MAP2K5: variants seen among roughly 807,000 people sequenced by gnomAD.
The protein encoded by MAP2K5 is mitogen-activated protein kinase kinase 5.
Under a neutral mutation model 83.1 loss-of-function variants are expected in MAP2K5, and 49 were observed. The observed-to-expected ratio is 0.59, with a 90% CI of 0.47 to 0.75. The LOEUF (loss-of-function observed/expected upper bound fraction) is 0.75, where lower values mean the gene tolerates loss of function less well. Among genes scored for constraint, MAP2K5 ranks in the 30% least tolerant of loss-of-function variants. MAP2K5 has a pLI of 0.00. For synonymous variants in MAP2K5, 202 were observed against 191.8 expected, an observed-to-expected ratio of 1.05 and a Z score of -0.44; for missense variants, 457 against 557.5, an observed-to-expected ratio of 0.82 and a Z score of 1.82.
chr15:67,716,458 C>G (rs1157233285), intron 16 of MAP2K5, among the ~76,000 whole-genome samples: 2 of 152,220 alleles, frequency 1.3e-5, no homozygotes, highest in Non-Finnish European at 2.9e-5. Flanking sequence ...GGTGACATGT[C>G]TCAACACTAA....
intron 16 of MAP2K5, among the ~76,000 whole-genome samples, chr15:67,706,236 G>C (rs978689142): frequency 6.6e-6 from 1 of 152,216 alleles, no homozygotes; most frequent in African/African-American, 2.4e-5. Flanking sequence ...ACTCTTTGTA[G>C]TGTAAGGAAG....
chr15:67,710,140 G>A (rs1355255513), intron 16 of MAP2K5, among the ~76,000 whole-genome samples: 1 of 152,136 alleles, frequency 6.6e-6, no homozygotes, highest in Non-Finnish European at 1.5e-5. Flanking sequence ...AGGACTACAG[G>A]TGCACCACCG....
chr15:67,806,985 A>G lies in MAP2K5; in HGVS notation c.*235A>G, dbSNP rs1377521081. The G allele has an allele frequency of 7.3e-6, 11 of 1,504,904 alleles. No homozygotes were observed. Among genetic ancestry groups the G allele is most frequent in the African/African-American group, 4.1e-5 (3 of 72,314 alleles). 93.2% of individuals were successfully genotyped at this position (1,504,904 alleles called of 1,614,324 possible). ...AGGCGCTGACACTGGCAGAGAGGTA[A>G]AGGGTGGGGCATTGAGAATGGAGGC... is the stretch of plus-strand genomic sequence containing the variant. On this transcript the variant is annotated 3_prime_UTR_variant, in exon 22 of 22. Coordinates refer to ENST00000178640, the MANE Select transcript of MAP2K5 (RefSeq NM_145160.3).
chr15:67,582,059 CTTTTTT>C (rs944586636), intron 4 of MAP2K5, among the ~76,000 whole-genome samples: 2 of 122,722 alleles, frequency 1.6e-5, no homozygotes, highest in Non-Finnish European at 1.7e-5. Context: ...TAGATGATTT[CTTTTTT>C]TTTTTTTTTT....
At chr15:67,692,783 A>G (rs1257275760) in intron 14 of MAP2K5, among the ~76,000 whole-genome samples, 1 of 152,168 alleles carries the variant, frequency 6.6e-6, no homozygotes, top group African/African-American at 2.4e-5. Context: ...TGTAATTACT[A>G]CTTACGAATA....
intron 2 of MAP2K5, among the ~76,000 whole-genome samples, chr15:67,551,160 C>G (rs992317614): frequency 2.6e-5 from 4 of 152,170 alleles, no homozygotes; most frequent in African/African-American, 9.7e-5. Flanking sequence ...TGGTTACTTA[C>G]AGAGAATACA....
Position 67,806,963 on chromosome 15 carries a change from C to T in MAP2K5, c.*213C>T, listed in dbSNP as rs748654288. On this transcript the variant is annotated 3_prime_UTR_variant, in exon 22 of 22. Transcript: ENST00000178640. ...ATCCCCATACCTTCTGGTTTGAAGG[C>T]GCTGACACTGGCAGAGAGGTAAAGG... The T allele has an allele frequency of 1.6e-4, 249 of 1,539,550 alleles. No individual in the cohort carries two copies. Among genetic ancestry groups the T allele is most frequent in the Admixed American group, 2.5e-4 (13 of 52,492 alleles).
At chr15:67,549,793 G>T (rs1337351893) in intron 1 of MAP2K5, among the ~76,000 whole-genome samples, 1 of 152,102 alleles carries the variant, frequency 6.6e-6, no homozygotes, top group Admixed American at 6.5e-5. Flanking sequence ...GTTGAACTGA[G>T]AATAAAATAT....
intron 8 of MAP2K5, among the ~76,000 whole-genome samples, chr15:67,614,230 A>C (rs1411975519): frequency 6.6e-6 from 1 of 152,214 alleles, no homozygotes; most frequent in Non-Finnish European, 1.5e-5. Flanking sequence ...AAGTGGTGAT[A>C]ATAATAATAT....
At chr15:67,674,602 T>G (rs1258068239) in intron 13 of MAP2K5, among the ~76,000 whole-genome samples, 1 of 152,204 alleles carries the variant, frequency 6.6e-6, no homozygotes, top group African/African-American at 2.4e-5. Flanking sequence ...CCCATATTGG[T>G]CATTCATTCT....
At chr15:67,662,746 C>T (rs12441512) in intron 12 of MAP2K5, among the ~76,000 whole-genome samples, 149,571 of 152,274 alleles carry the variant, frequency 0.98, 73,526 homozygotes, top group Middle Eastern at 1. Context: ...CAACTAATTA[C>T]TCTTAACTCA....
At chr15:67,728,414 T>C (rs2089149801) in intron 17 of MAP2K5, among the ~76,000 whole-genome samples, 1 of 152,208 alleles carries the variant, frequency 6.6e-6, no homozygotes, top group Non-Finnish European at 1.5e-5. Context: ...TATTTAAAAA[T>C]ATTTTGCTCC....
At chr15:67,610,143 C>G (rs917950809) in intron 8 of MAP2K5, among the ~76,000 whole-genome samples, 2 of 152,160 alleles carry the variant, frequency 1.3e-5, no homozygotes, top group African/African-American at 4.8e-5. Context: ...TCTGAATTTC[C>G]TAACTATTAA....
intron 12 of MAP2K5, among the ~76,000 whole-genome samples, chr15:67,664,213 G>T (rs1180040101): frequency 1.3e-5 from 2 of 151,590 alleles, no homozygotes; most frequent in Non-Finnish European, 2.9e-5. Flanking sequence ...GAAGAGTTAG[G>T]CCAGGTGTGG....
At chr15:67,626,250 T>C (rs1160246713) in intron 8 of MAP2K5, among the ~76,000 whole-genome samples, 8 of 152,198 alleles carry the variant, frequency 5.3e-5, no homozygotes, top group Non-Finnish European at 1.0e-4. Context: ...CCAAGTGTGG[T>C]GGCTCACACC....
intron 19 of MAP2K5, among the ~76,000 whole-genome samples, chr15:67,756,967 C>T (rs1464783836): frequency 6.6e-6 from 1 of 152,068 alleles, no homozygotes; most frequent in East Asian, 1.9e-4. Context: ...GGGTTGTCTT[C>T]CTATCTTGGC....
chr15:67,661,433 A>G (rs947457686), intron 12 of MAP2K5, among the ~76,000 whole-genome samples: 44 of 152,074 alleles, frequency 2.9e-4, no homozygotes, highest in Non-Finnish European at 5.9e-4. Context: ...AGATATAAGT[A>G]CTTTTAGTGT....
intron 8 of MAP2K5, among the ~76,000 whole-genome samples, chr15:67,626,984 G>A (rs935057632): frequency 7.1e-6 from 1 of 141,602 alleles, no homozygotes; most frequent in Non-Finnish European, 1.6e-5. Flanking sequence ...CCGGGCTGTA[G>A]TGGAGTGGTG....
chr15:67,729,013 G>A (rs915311270), intron 17 of MAP2K5, among the ~76,000 whole-genome samples: 2 of 152,168 alleles, frequency 1.3e-5, no homozygotes, highest in East Asian at 3.8e-4. Context: ...CGTCCAAGTT[G>A]TTAGGTTCAA....
Sources: allele counts gnomAD v4.1 joint callset (sites outside exome capture counted in the v4.1 genomes callset), GRCh38; gene constraint gnomAD v4.1.1; transcripts MANE v1.5; gene names NCBI Gene and HGNC (gene_info 2026-07-23, HGNC 2026-07-21).